CEP83: variants seen among roughly 807,000 people sequenced by gnomAD.
The protein encoded by CEP83 is centrosomal protein of 83 kDa.
In CEP83, 70 loss-of-function variants were observed where a neutral mutation model predicts 101.9. The ratio of observed to expected loss-of-function variants is 0.69; its 90% CI spans 0.57 to 0.84. The LOEUF (loss-of-function observed/expected upper bound fraction) is 0.84, where lower values mean the gene tolerates loss of function less well. CEP83 is among the 40% of genes least tolerant of loss of function. The pLI is 0.00. For missense variants in CEP83, 715 were observed against 787.2 expected (o/e 0.91, Z 1.10); for synonymous variants, 264 against 267.9 (o/e 0.99, Z 0.14).
chr12:94,287,563 G>A, the CEP83 span, among the ~76,000 whole-genome samples: 323 of 152,298 alleles, frequency 2.1e-3, 1 homozygote, highest in African/African-American at 7.5e-3. Flanking sequence ...ATTACACTTC[G>A]AGTTCTGAGC....
At chr12:94,307,215 C>T (rs980069640), downstream of CEP83, 3 of 152,172 alleles carry the variant, frequency 2.0e-5, no homozygotes, top group African/African-American at 7.2e-5. Context: ...TTGGGCAAGT[C>T]ACTTACCTCT....
chr12:94,310,061 TTA>T lies in CEP83; in HGVS notation c.1856_1857del (p.Leu619GlnfsTer8). On this transcript the variant is annotated frameshift_variant, in exon 16 of 17. Coordinates refer to ENST00000397809, the MANE Select transcript of CEP83 (RefSeq NM_016122.3). LOFTEE classifies it high-confidence loss of function. ...TCATTATGTCTTCTCTGTATATCTT[TTA>T]GTCTTTTTTGAAGCCTTGTATAGTC... ...FEDYTRLQKR[L>X]KDIQRRHNEF... 1.9e-6 allele frequency: 3 copies of T among 1,604,368 alleles called. No individual in the cohort carries two copies. Among genetic ancestry groups the T allele is most frequent in the South Asian group, 1.1e-5 (1 of 90,604 alleles).
intron 11 of CEP83, among the ~76,000 whole-genome samples, chr12:94,355,406 T>A (rs749631243): frequency 3.3e-5 from 5 of 151,766 alleles, no homozygotes; most frequent in Non-Finnish European, 5.9e-5. Flanking sequence ...GGCGGGAGAA[T>A]GGCGTGAACC....
intron 12 of CEP83, 21 bp downstream of exon 12, chr12:94,335,568 A>G (rs1394685940): frequency 2.0e-6 from 3 of 1,479,170 alleles, no homozygotes; most frequent in Admixed American, 4.2e-5. Flanking sequence ...AATAAAAGGA[A>G]AATCTTCGCT....
chr12:94,287,701 A>C, the CEP83 span, among the ~76,000 whole-genome samples: 1 of 152,348 alleles, frequency 6.6e-6, no homozygotes, highest in African/African-American at 2.4e-5. Flanking sequence ...GAATGCCCCA[A>C]AGGGTCTGTT....
At chr12:94,289,046 C>T in the CEP83 span, among the ~76,000 whole-genome samples, 2 of 152,072 alleles carry the variant, frequency 1.3e-5, no homozygotes, top group African/African-American at 4.8e-5. Context: ...ACCATTTTTA[C>T]CTACAAAAGT....
rs370654785 is a variant in CEP83, at chr12:94,378,921, A to G, written c.671T>C (p.Leu224Ser). 48 of 1,613,902 alleles carry G rather than the reference A, an allele frequency of 3.0e-5. No homozygotes were observed. The highest frequency in any genetic ancestry group is 1.2e-4 in the Admixed American group (7 of 59,970). ...AREKVYLCQK[L>S]KGLEAEVAEL... Reference sequence around the variant, plus strand: ...CGCTACTTCAGCCTCTAAACCTTTTAATTTTTGACACAAATAGACTTTTTC... The same window carrying G: ...CGCTACTTCAGCCTCTAAACCTTTTGATTTTTGACACAAATAGACTTTTTC... The change falls in exon 7 of 17, where the codon TTA (leucine) becomes TCA (serine). Residue 224 changes from leucine (L) to serine (S), a missense_variant. Physicochemically the swap from Leu to Ser is moderately radical, Grantham distance 145. Transcript: ENST00000397809.
chr12:94,298,521 C>T, the CEP83 span: 2 of 884,464 alleles, frequency 2.3e-6, no homozygotes, highest in African/African-American at 1.7e-5. Context: ...GTTTGTTTTT[C>T]CCTGTTTTGA....
chr12:94,440,514 CA>C (rs112658393), intron 1 of CEP83, among the ~76,000 whole-genome samples: 378 of 137,638 alleles, frequency 2.7e-3, no homozygotes, highest in Middle Eastern at 3.6e-3. Flanking sequence ...AGGAAAACTA[CA>C]AAAAAAAAAA....
chr12:94,426,684 G>T (rs569692723), intron 2 of CEP83, among the ~76,000 whole-genome samples: 10 of 152,014 alleles, frequency 6.6e-5, no homozygotes, highest in Non-Finnish European at 1.0e-4. Context: ...TAAAAAAAGG[G>T]TGGGGTGATT....
chr12:94,273,529 C>A, the CEP83 span, among the ~76,000 whole-genome samples: 35 of 152,262 alleles, frequency 2.3e-4, no homozygotes, highest in African/African-American at 7.5e-4. Flanking sequence ...TCCTTGATTT[C>A]TCTGTTTGAA....
intron 9 of CEP83, chr12:94,369,088 C>G (rs1418654280): frequency 6.6e-6 from 1 of 152,176 alleles, no homozygotes; most frequent in Non-Finnish European, 1.5e-5. Flanking sequence ...TATTTAAATA[C>G]TTCAAGTTAG....
At chr12:94,303,646 T>G, downstream of CEP83, 1 of 914,094 alleles carries the variant, frequency 1.1e-6, no homozygotes, top group Non-Finnish European at 1.6e-6. Flanking sequence ...GTAAAACTGG[T>G]TGGTGGTGGG....
the CEP83 span, chr12:94,279,860 C>T: frequency 1.4e-6 from 1 of 690,854 alleles, no homozygotes; most frequent in Admixed American, 2.0e-5. Flanking sequence ...CACGGTCCTT[C>T]AAAGATGGCG....
Position 94,373,260 on chromosome 12 carries a change from T to C in CEP83, c.933+2626A>G, listed in dbSNP as rs373343073. Among the ~76,000 whole-genome samples the C allele has an allele frequency of 3.9e-5, 6 of 152,326 alleles. No homozygotes were observed. In the East Asian group the frequency reaches 1.2e-3, roughly 29 times the overall value. Reference sequence around the variant, plus strand: ...TGCCATATAGATTCTGGCCTTTATGTTGTGAATTTGCTTTATGTTTTGACA... The same window carrying C: ...TGCCATATAGATTCTGGCCTTTATGCTGTGAATTTGCTTTATGTTTTGACA... On this transcript the variant is annotated intron_variant, in intron 8 of 16. Transcript: ENST00000397809.
chr12:94,404,557 T>C (rs1455506370), intron 4 of CEP83, among the ~76,000 whole-genome samples: 1 of 152,088 alleles, frequency 6.6e-6, no homozygotes, highest in Non-Finnish European at 1.5e-5. Context: ...CACTGTAACA[T>C]TTCCAAATGC....
chr12:94,287,115 T>C, the CEP83 span, among the ~76,000 whole-genome samples: 1 of 152,212 alleles, frequency 6.6e-6, no homozygotes, highest in African/African-American at 2.4e-5. Context: ...GGGAGGCAGG[T>C]GCTTTCCTTA....
At chr12:94,343,053 T>C (rs973973328) in intron 11 of CEP83, among the ~76,000 whole-genome samples, 4 of 151,846 alleles carry the variant, frequency 2.6e-5, no homozygotes, top group African/African-American at 9.7e-5. Flanking sequence ...ACAAGGCAGA[T>C]CCTATGTGTA....
At chr12:94,340,580 G>A (rs1024366918) in intron 11 of CEP83, among the ~76,000 whole-genome samples, 7 of 152,040 alleles carry the variant, frequency 4.6e-5, no homozygotes, top group African/African-American at 1.7e-4. Context: ...GGGACTATAG[G>A]TGGCTGCCAC....
Sources: allele counts gnomAD v4.1 joint callset (sites outside exome capture counted in the v4.1 genomes callset), GRCh38; gene constraint gnomAD v4.1.1; transcripts MANE v1.5; gene names NCBI Gene and HGNC (gene_info 2026-07-23, HGNC 2026-07-21).